SCHIP1: variants seen among roughly 807,000 people sequenced by gnomAD.
The protein encoded by SCHIP1 is schwannomin interacting protein 1.
In SCHIP1, 8 loss-of-function variants were observed where a neutral mutation model predicts 29.7. The observed-to-expected ratio is 0.27, with a 90% CI of 0.16 to 0.49. The LOEUF is 0.49. Ranked by LOEUF, SCHIP1 falls within the 20% of genes least tolerant of loss-of-function variation. The pLI is 0.99. For synonymous variants in SCHIP1, 76 were observed against 94.9 expected, an observed-to-expected ratio of 0.80 and a Z score of 1.16; for missense variants, 193 against 294.6, an observed-to-expected ratio of 0.66 and a Z score of 2.52.
chr3:159,345,554 TTCTCTC>T, the SCHIP1 span, among the ~76,000 whole-genome samples: 11 of 93,516 alleles, frequency 1.2e-4, no homozygotes, highest in Admixed American at 5.8e-4. Flanking sequence ...GTGTCTCTCT[TTCTCTC>T]TCTCTCTCTC....
the SCHIP1 span, chr3:159,398,947 A>T: frequency 1.0e-6 from 1 of 984,066 alleles, no homozygotes; most frequent in Non-Finnish European, 1.2e-6. Context: ...AGGATTATTC[A>T]AACAAGTGTG....
chr3:159,435,300 A>G, the SCHIP1 span, among the ~76,000 whole-genome samples: 3 of 152,142 alleles, frequency 2.0e-5, no homozygotes. Flanking sequence ...TTTGAGGTGA[A>G]TGTTCTTTGT....
At chr3:159,564,869 A>G in the SCHIP1 span, among the ~76,000 whole-genome samples, 1 of 152,092 alleles carries the variant, frequency 6.6e-6, no homozygotes, top group Non-Finnish European at 1.5e-5. Flanking sequence ...TTTGATGGAC[A>G]TTTGGTTTAT....
At chr3:159,348,350 T>C in the SCHIP1 span, among the ~76,000 whole-genome samples, 1 of 152,088 alleles carries the variant, frequency 6.6e-6, no homozygotes, top group African/African-American at 2.4e-5. Flanking sequence ...AATTTTGAGG[T>C]TAGTTAATGT....
chr3:159,490,050 G>A, the SCHIP1 span, among the ~76,000 whole-genome samples: 16 of 152,204 alleles, frequency 1.1e-4, 1 homozygote, highest in African/African-American at 3.6e-4. Flanking sequence ...TTTTCACAAT[G>A]AGAATGTATT....
At chr3:159,528,021 TTA>T in the SCHIP1 span, among the ~76,000 whole-genome samples, 5 of 152,234 alleles carry the variant, frequency 3.3e-5, no homozygotes, top group East Asian at 3.8e-4. Context: ...AAGTCAAATT[TTA>T]TATGTCTATT....
the SCHIP1 span, among the ~76,000 whole-genome samples, chr3:159,633,030 G>C: frequency 6.6e-6 from 1 of 152,122 alleles, no homozygotes; most frequent in Admixed American, 6.6e-5. Flanking sequence ...CCTTCTCCTA[G>C]GTCTGAGAAA....
chr3:159,747,340 G>A, the SCHIP1 span, among the ~76,000 whole-genome samples: 1 of 152,132 alleles, frequency 6.6e-6, no homozygotes, highest in Admixed American at 6.5e-5. Context: ...TTGTCTCTGT[G>A]AGTCCTTCCT....
At chr3:159,397,348 G>T in the SCHIP1 span, among the ~76,000 whole-genome samples, 11 of 152,174 alleles carry the variant, frequency 7.2e-5, no homozygotes, top group Admixed American at 7.2e-4. Context: ...GTCCAGCTTT[G>T]TTCCGTTGCT....
the SCHIP1 span, among the ~76,000 whole-genome samples, chr3:159,665,884 G>T: frequency 6.6e-6 from 1 of 152,166 alleles, no homozygotes; most frequent in Admixed American, 6.5e-5. Flanking sequence ...TGCAGGAGAG[G>T]TTTTCAGATG....
At chr3:159,341,286 T>C in the SCHIP1 span, among the ~76,000 whole-genome samples, 2 of 152,176 alleles carry the variant, frequency 1.3e-5, no homozygotes, top group South Asian at 2.1e-4. Flanking sequence ...CTCTTAGCAG[T>C]TGAAAGCTTA....
the SCHIP1 span, among the ~76,000 whole-genome samples, chr3:159,425,150 C>T: frequency 6.6e-6 from 1 of 151,560 alleles, no homozygotes; most frequent in Middle Eastern, 3.2e-3. Context: ...GCAAAATAAC[C>T]AGCTAACACC....
the SCHIP1 span, among the ~76,000 whole-genome samples, chr3:159,439,264 G>GT: frequency 3.9e-5 from 6 of 152,124 alleles, no homozygotes; most frequent in African/African-American, 1.4e-4. Context: ...AATTTATAAA[G>GT]TAAGGAGGTT....
chr3:159,654,798 TAAGTAAAAA>T, the SCHIP1 span, among the ~76,000 whole-genome samples: 3 of 114,000 alleles, frequency 2.6e-5, no homozygotes, highest in African/African-American at 1.5e-4. Flanking sequence ...TCTATGACTT[TAAGTAAAAA>T]AAAAAAAAAA....
the SCHIP1 span, among the ~76,000 whole-genome samples, chr3:159,392,119 C>CA: frequency 6.6e-6 from 1 of 152,090 alleles, no homozygotes; most frequent in East Asian, 1.9e-4. Context: ...GGAAGCACCT[C>CA]AGAGTTGGCA....
the SCHIP1 span, among the ~76,000 whole-genome samples, chr3:159,333,294 G>T: frequency 6.6e-6 from 1 of 151,892 alleles, no homozygotes; most frequent in Non-Finnish European, 1.5e-5. Context: ...TATAAGAATT[G>T]GAAAATTCAA....
chr3:159,882,407 C>G (rs1716537287), intron 2 of SCHIP1, among the ~76,000 whole-genome samples: 1 of 152,164 alleles, frequency 6.6e-6, no homozygotes, highest in African/African-American at 2.4e-5. Flanking sequence ...TAAGCAGGTG[C>G]TGGGAGATTC....
the SCHIP1 span, among the ~76,000 whole-genome samples, chr3:159,440,901 CT>C: frequency 1.3e-5 from 2 of 152,162 alleles, no homozygotes; most frequent in African/African-American, 2.4e-5. Flanking sequence ...AATAATATAT[CT>C]TTGTTTTCTA....
the SCHIP1 span, among the ~76,000 whole-genome samples, chr3:159,627,272 A>T: frequency 6.6e-6 from 1 of 152,202 alleles, no homozygotes; most frequent in South Asian, 2.1e-4. Context: ...GTAGCAGAGA[A>T]TCTTCTAAGT....
Sources: allele counts gnomAD v4.1 joint callset (sites outside exome capture counted in the v4.1 genomes callset), GRCh38; gene constraint gnomAD v4.1.1; transcripts MANE v1.5; gene names NCBI Gene and HGNC (gene_info 2026-07-23, HGNC 2026-07-21).